ANKRD11: variants seen among roughly 807,000 people sequenced by gnomAD.
ANKRD11 encodes ankyrin repeat domain-containing protein 11.
Under a neutral mutation model 195.7 loss-of-function variants are expected in ANKRD11, and 17 were observed. The ratio of observed to expected loss-of-function variants is 0.09; its 90% CI spans 0.06 to 0.13. The LOEUF (loss-of-function observed/expected upper bound fraction) is 0.13. Among genes scored for constraint, ANKRD11 ranks in the 10% least tolerant of loss-of-function variants. The pLI, the probability that ANKRD11 is intolerant of heterozygous loss-of-function variation, is 1.00. For missense variants in ANKRD11, 3,735 were observed against 3,566.1 expected, an observed-to-expected ratio of 1.05 and a Z score of -1.21; for synonymous variants, 1,953 against 1,528.1, an observed-to-expected ratio of 1.28 and a Z score of -6.49.
chr16:89,332,414 TAC>T (rs1459915714), intron 2 of ANKRD11, among the ~76,000 whole-genome samples: 5 of 152,164 alleles, frequency 3.3e-5, no homozygotes, highest in Non-Finnish European at 5.9e-5. Context: ...AGAGATGCCT[TAC>T]AGCTCCACAC....
chr16:89,359,769 T>C (rs2039650046), intron 2 of ANKRD11, among the ~76,000 whole-genome samples: 1 of 152,226 alleles, frequency 6.6e-6, no homozygotes, highest in South Asian at 2.1e-4. Context: ...GTTTGCATTT[T>C]AGTCTACACT....
intron 1 of ANKRD11, 54 bp from the exon 2 acceptor site, chr16:89,418,422 C>A: frequency 2.4e-6 from 1 of 418,636 alleles, no homozygotes; most frequent in Non-Finnish European, 4.9e-6. Flanking sequence ...AGCCTCAGTT[C>A]TTTCATCGCT....
At chr16:89,483,352 G>A (rs942486881) in intron 1 of ANKRD11, among the ~76,000 whole-genome samples, 11 of 152,142 alleles carry the variant, frequency 7.2e-5, no homozygotes, top group Non-Finnish European at 1.6e-4. Context: ...AAGTTTAGCA[G>A]AATCAGATCT....
intron 2 of ANKRD11, among the ~76,000 whole-genome samples, chr16:89,371,678 C>G (rs2040200410): frequency 6.6e-6 from 1 of 152,110 alleles, no homozygotes; most frequent in Non-Finnish European, 1.5e-5. Flanking sequence ...CCCCCTGCAC[C>G]CCCTCAGGAT....
intron 2 of ANKRD11, among the ~76,000 whole-genome samples, chr16:89,384,752 G>C (rs1027895870): frequency 1.3e-5 from 2 of 151,992 alleles, no homozygotes; most frequent in African/African-American, 4.8e-5. Flanking sequence ...CTGTATTTTT[G>C]GCAACCTGTA....
chr16:89,441,782 A>C (rs1387403279), intron 1 of ANKRD11, among the ~76,000 whole-genome samples: 1 of 149,670 alleles, frequency 6.7e-6, no homozygotes, highest in Non-Finnish European at 1.5e-5. Context: ...AAAAAAAAAA[A>C]AAAAAAAAAA....
rs779463117 is a variant in ANKRD11 at position 89,283,598 on chromosome 16, C to G, written c.2944G>C (p.Glu982Gln). ...TCGGACTTGTCCTTGAAGCCACTCTCGCAGCCACACTCCTTCAGCTCCTCC... is the reference window on the plus strand; with the variant it reads ...TCGGACTTGTCCTTGAAGCCACTCTGGCAGCCACACTCCTTCAGCTCCTCC... ...HREELKECGC[E>Q]SGFKDKSDGD... The change falls in exon 9 of 13, where the codon GAG (glutamate) becomes CAG (glutamine). Residue 982 changes from glutamate to glutamine, a missense_variant. Coordinates refer to ENST00000301030, the MANE Select transcript of ANKRD11 (RefSeq NM_013275.6). The surrounding 1 kb of genome is among the most constrained non-coding windows in gnomAD (Gnocchi z 4.3). 22 of 1,609,906 alleles carry G rather than the reference C, an allele frequency of 1.4e-5. No homozygotes were observed. The East Asian group carries it at 4.7e-4, about 34-fold the overall frequency.
intron 2 of ANKRD11, among the ~76,000 whole-genome samples, chr16:89,380,151 C>T (rs889127660): frequency 1.3e-5 from 2 of 152,142 alleles, no homozygotes; most frequent in African/African-American, 2.4e-5. Context: ...CTCATTCTGT[C>T]ACCCAGGCTG....
At position 89,280,212 on chromosome 16, in the gene ANKRD11, A is replaced by C. The variant is rs1367210457; in HGVS notation, c.6330T>G (p.Ser2110=). Residue 2110 remains serine (S), a synonymous_variant, in exon 9 of 13, where the codon TCT becomes TCG. Coordinates refer to ENST00000301030, the MANE Select transcript of ANKRD11 (RefSeq NM_013275.6). Reference sequence around the variant, plus strand: ...GCACCGGCTCCACCTGGCCGAGGTGAGACAGGCCGCGGCTGCCGTCCAGGA... The same window carrying C: ...GCACCGGCTCCACCTGGCCGAGGTGCGACAGGCCGCGGCTGCCGTCCAGGA... ...NSFLDGSRGL[S]HLGQVEPVPW... 2 of 1,608,312 alleles carry C rather than the reference A, an allele frequency of 1.2e-6. No individual in the cohort carries two copies. The highest frequency in any genetic ancestry group is 1.7e-6 in the Non-Finnish European group (2 of 1,179,256).
intron 4 of ANKRD11, among the ~76,000 whole-genome samples, chr16:89,296,287 A>C (rs1292767402): frequency 4.6e-5 from 7 of 151,998 alleles, no homozygotes; most frequent in Non-Finnish European, 1.0e-4. Flanking sequence ...GAACCTTGAA[A>C]AGCCCTCTGC....
At chr16:89,420,657 A>T (rs964186751) in intron 1 of ANKRD11, among the ~76,000 whole-genome samples, 24 of 152,190 alleles carry the variant, frequency 1.6e-4, no homozygotes, top group South Asian at 1.0e-3. Context: ...TCAGTAACTG[A>T]TCCCATTATC....
intron 1 of ANKRD11, among the ~76,000 whole-genome samples, chr16:89,483,542 G>C (rs955316141): frequency 6.6e-6 from 1 of 152,214 alleles, no homozygotes; most frequent in Non-Finnish European, 1.5e-5. Flanking sequence ...GTGAGAAAAT[G>C]TTTAGGCCGG....
In ANKRD11 at chr16:89,473,146, C is replaced by T. The variant is rs114622878; in HGVS notation, c.-145+17099G>A. Among the ~76,000 whole-genome samples the T allele has an allele frequency of 3.6e-3, 550 of 151,278 alleles. 1 individual carries two copies. The highest frequency in any genetic ancestry group is 0.013 in the African/African-American group (528 of 41,234). On this transcript the variant is annotated intron_variant, in intron 1 of 12. Transcript: ENST00000301030. The stretch of plus-strand genomic sequence containing the variant: ...AATAAGTCAGGATCACACCACTGCC[C>T]TCCAGCCGAGGCAAGAAAGCAAGAC...
At chr16:89,371,618 C>CT (rs2040197168) in intron 2 of ANKRD11, among the ~76,000 whole-genome samples, 1 of 152,166 alleles carries the variant, frequency 6.6e-6, no homozygotes, top group Admixed American at 6.5e-5. Flanking sequence ...TGTGCACTCC[C>CT]TGCCCACATG....
chr16:89,469,576 G>C (rs2152347100), intron 1 of ANKRD11, among the ~76,000 whole-genome samples: 1 of 151,970 alleles, frequency 6.6e-6, no homozygotes, highest in East Asian at 2.0e-4. Context: ...TAGTCCAAGA[G>C]AAAGGAGATA....
At chr16:89,278,578 A>C (rs1198061215) in intron 9 of ANKRD11, 1 of 457,390 alleles carries the variant, frequency 2.2e-6, no homozygotes. Flanking sequence ...AAGCTGCCCC[A>C]AGGGAGCTGC....
At chr16:89,401,346 G>C (rs2041678784) in intron 2 of ANKRD11, among the ~76,000 whole-genome samples, 1 of 152,014 alleles carries the variant, frequency 6.6e-6, no homozygotes, top group African/African-American at 2.4e-5. Context: ...CAAAGTGCTG[G>C]GATTACAGCA....
At chr16:89,442,200 C>A (rs187874634) in intron 1 of ANKRD11, among the ~76,000 whole-genome samples, 1 of 152,234 alleles carries the variant, frequency 6.6e-6, no homozygotes, top group Admixed American at 6.5e-5. Flanking sequence ...CAGCTGACAA[C>A]GCACGCCCAC....
rs146886192 is a variant in ANKRD11, at chr16:89,305,213, C to T, written c.219G>A (p.Ser73=). 13 of 1,612,500 alleles carry T rather than the reference C, an allele frequency of 8.1e-6. No individual in the cohort carries two copies. Among genetic ancestry groups the T allele is most frequent in the South Asian group, 2.2e-5 (2 of 91,040 alleles). ...GGGGCCGCGGGCTGGTACCTGTGTC[C>T]GAGTCCTTCTGCTCCCCATTGGCGC... The part of the protein sequence containing the change: ...TAGANGEQKD[S]DTEKQGPERK... The change falls in exon 4 of 13, where the codon TCG becomes TCA. Residue 73 remains serine, a synonymous_variant. Transcript: ENST00000301030.
Sources: gnomAD v4.1 joint callset for allele counts (sites outside exome capture counted in the v4.1 genomes callset) on GRCh38, gnomAD v4.1.1 for gene constraint, Gnocchi (gnomAD v3.1) non-coding constraint, MANE v1.5 for transcripts, NCBI Gene and HGNC (gene_info 2026-07-23, HGNC 2026-07-21) for gene names.